ISG20: variants seen among roughly 807,000 people sequenced by gnomAD.
The protein encoded by ISG20 is interferon stimulated exonuclease gene 20.
Under a neutral mutation model 11.1 loss-of-function variants are expected in ISG20, and 8 were observed. The ratio of observed to expected loss-of-function variants is 0.72; its 90% CI spans 0.42 to 1.30. The LOEUF (loss-of-function observed/expected upper bound fraction) is 1.30. Among genes scored for constraint, ISG20 ranks in the 50% most tolerant of loss-of-function variants. The probability of loss-of-function intolerance (pLI) is 0.01; values close to 1 mark genes in which losing one functional copy is unlikely to be tolerated. For synonymous variants in ISG20, 110 were observed against 101.7 expected, an observed-to-expected ratio of 1.08 and a Z score of -0.49; for missense variants, 243 against 250.2, an observed-to-expected ratio of 0.97 and a Z score of 0.19.
At chr15:88,655,251 C>T (rs1012704478) in intron 3 of ISG20, among the ~76,000 whole-genome samples, 164 bp from the exon 4 acceptor site, 2 of 152,280 alleles carry the variant, frequency 1.3e-5, no homozygotes, top group Non-Finnish European at 2.9e-5. Flanking sequence ...GCTCCAGCCA[C>T]CTGCTGAGTC....
intron 2 of ISG20, among the ~76,000 whole-genome samples, chr15:88,645,443 G>A (rs2058156069): frequency 2.6e-5 from 4 of 152,006 alleles, no homozygotes; most frequent in South Asian, 2.1e-4. Flanking sequence ...GTTTTCTGCC[G>A]GCTGTATCTT....
rs777629179 is a variant in ISG20 at position 88,639,594 on chromosome 15, G to C, written c.228G>C (p.Glu76Asp). 1 of 1,612,544 alleles carries C rather than the reference G, an allele frequency of 6.2e-7. No homozygotes were observed. The highest frequency in any genetic ancestry group is 8.5e-7 in the Non-Finnish European group (1 of 1,178,650). ...GATPFAVARL[E>D]ILQLLKGKLV... ...CACCATTTGCCGTGGCCAGGCTAGA[G>C]GTGAGTGAAGGCCCGGCCAGCAGGG... Residue 76 changes from glutamate (E) to aspartate (D), a missense_variant and splice_region_variant, in exon 2 of 4, where the codon GAG becomes GAC. Physicochemically the swap from Glu to Asp is conservative, Grantham distance 45. Coordinates refer to ENST00000306072, the MANE Select transcript of ISG20 (RefSeq NM_002201.6). This position sits in a 1 kb window ranked among gnomAD's most constrained non-coding sequence, Gnocchi z 4.2.
chr15:88,647,819 G>T (rs1030629231), intron 2 of ISG20: 1 of 152,246 alleles, frequency 6.6e-6, no homozygotes, highest in African/African-American at 2.4e-5. Flanking sequence ...CCGTGGTCGC[G>T]GGCACAGATG....
chr15:88,649,864 A>G (rs1024707245), intron 2 of ISG20: 4 of 300,474 alleles, frequency 1.3e-5, no homozygotes, highest in African/African-American at 6.5e-5. Flanking sequence ...AAGGCCTCCA[A>G]CCAGACCATG....
intron 2 of ISG20, chr15:88,651,804 C>T (rs2058278584): frequency 8.2e-7 from 1 of 1,214,872 alleles, no homozygotes; most frequent in Admixed American, 3.9e-5. Flanking sequence ...ACATAATATA[C>T]ATGACGTATG....
At chr15:88,635,730 AATAG>A (rs2057975474), upstream of ISG20, among the ~76,000 whole-genome samples, 1 of 152,014 alleles carries the variant, frequency 6.6e-6, no homozygotes, top group African/African-American at 2.4e-5. Context: ...ACCTTTTAAT[AATAG>A]ATGTGCATAT....
At position 88,639,454 on chromosome 15, in the gene ISG20, C is replaced by T. The variant is rs1370354712; in HGVS notation, c.88C>T (p.Leu30Phe). 6.2e-7 allele frequency: 1 copy of T among 1,614,134 alleles called. No individual in the cohort carries two copies. Among genetic ancestry groups the T allele is most frequent in the Non-Finnish European group, 8.5e-7 (1 of 1,179,998 alleles). ...GGAGAGTGGCCTGGCTCGTTGCAGC[C>T]TCGTGAACGTCCACGGTGCTGTGCT... ...HRESGLARCS[L>F]VNVHGAVLYD... Residue 30 changes from leucine (L) to phenylalanine (F), a missense_variant, in exon 2 of 4, where the codon CTC becomes TTC. Leu to Phe is a conservative substitution (Grantham distance 22). Transcript: ENST00000306072. This position sits in a 1 kb window ranked among gnomAD's most constrained non-coding sequence, Gnocchi z 4.2.
At chr15:88,655,313 C>T in intron 3 of ISG20, 102 bp from the exon 4 acceptor site, 3 of 1,056,652 alleles carry the variant, frequency 2.8e-6, no homozygotes, top group Non-Finnish European at 4.4e-6. Context: ...CACTGACCCA[C>T]CTGGGGACTC....
upstream of ISG20, chr15:88,638,854 G>A: frequency 5.9e-6 from 1 of 168,604 alleles, no homozygotes; most frequent in Admixed American, 5.6e-5. Context: ...TCGGCCCGGA[G>A]CTGAGCTCCC....
intron 2 of ISG20, among the ~76,000 whole-genome samples, chr15:88,644,555 CA>C (rs993366197): frequency 5.0e-5 from 6 of 119,092 alleles, no homozygotes; most frequent in African/African-American, 5.6e-5. Flanking sequence ...AAAGAAAAGA[CA>C]AAAAAAAAAA....
chr15:88,655,573 C>A lies in ISG20; in HGVS notation c.*42C>A, dbSNP rs767496563. On this transcript the variant is annotated 3_prime_UTR_variant, in exon 4 of 4. Transcript: ENST00000306072. The stretch of plus-strand genomic sequence containing the variant: ...TTCCGCAGGGACTAGAGGCTTTCGG[C>A]TTTTTGGGACAGCAACTACCTTGCT... 9 of 1,433,798 alleles carry A rather than the reference C, an allele frequency of 6.3e-6. No individual in the cohort carries two copies. Among genetic ancestry groups the A allele is most frequent in the Non-Finnish European group, 9.6e-7 (1 of 1,039,662 alleles). 88.8% of individuals were successfully genotyped at this position (1,433,798 alleles called of 1,614,324 possible). A position where few individuals can be genotyped will look rare whatever the true frequency, so the allele number is the denominator to read the frequency against.
upstream of ISG20, among the ~76,000 whole-genome samples, chr15:88,636,530 C>A (rs1311544267): frequency 3.9e-5 from 6 of 152,040 alleles, no homozygotes; most frequent in African/African-American, 7.3e-5. Context: ...TGGGAAAAGG[C>A]CAGAGAAGGG....
At position 88,643,730 on chromosome 15, in the gene ISG20, G is replaced by A. The variant is rs2058120802; in HGVS notation, c.228+4136G>A. On this transcript the variant is annotated intron_variant, in intron 2 of 3. Coordinates refer to ENST00000306072, the MANE Select transcript of ISG20 (RefSeq NM_002201.6). The surrounding 1 kb of genome is among the most constrained non-coding windows in gnomAD (Gnocchi z 4.4). ...AAAAAAAGAAAAAATTACATCTGTG[G>A]CTTGCATTATATTTCTATTGGACAA... 6.6e-6 allele frequency among the ~76,000 whole-genome samples: 1 copy of A among 152,082 alleles called. No individual in the cohort carries two copies. The highest frequency in any genetic ancestry group is 1.5e-5 in the Non-Finnish European group (1 of 68,004).
In ISG20 at chr15:88,656,257, A is replaced by G. The variant is rs2058373393; in HGVS notation, c.*726A>G. 6.6e-6 allele frequency: 1 copy of G among 152,074 alleles called. No individual in the cohort carries two copies. The highest frequency in any genetic ancestry group is 2.4e-5 in the African/African-American group (1 of 41,386). 9.4% of individuals were successfully genotyped at this position (152,074 alleles called of 1,614,324 possible). A position where few individuals can be genotyped will look rare whatever the true frequency, so the allele number is the denominator to read the frequency against. On this transcript the variant is annotated 3_prime_UTR_variant, in exon 4 of 4. Transcript: ENST00000306072. Reference sequence around the variant, plus strand: ...TAGCTTAAGCACCCACCAGGTGTCGATAAGTAATTGTTCTTCCCTGGACTG... The same window carrying G: ...TAGCTTAAGCACCCACCAGGTGTCGGTAAGTAATTGTTCTTCCCTGGACTG...
At chr15:88,647,645 A>G (rs2141398499) in intron 2 of ISG20, 1 of 152,340 alleles carries the variant, frequency 6.6e-6, no homozygotes, top group Non-Finnish European at 1.5e-5. Flanking sequence ...CTATGATACA[A>G]ATCACTGCTC....
At position 88,641,282 on chromosome 15, in the gene ISG20, G is replaced by A. The variant is rs747616625; in HGVS notation, c.228+1688G>A. 5.3e-5 allele frequency among the ~76,000 whole-genome samples: 8 copies of A among 152,270 alleles called. No individual in the cohort carries two copies. In the East Asian group the frequency reaches 7.7e-4, roughly 15 times the overall value. On this transcript the variant is annotated intron_variant, in intron 2 of 3. Coordinates refer to ENST00000306072, the MANE Select transcript of ISG20 (RefSeq NM_002201.6). Reference sequence around the variant, plus strand: ...CCCAAAGTCCCAGGCATGAGCCACCGCATCTGGCCATGGTTGTTTACCTTA... The same window carrying A: ...CCCAAAGTCCCAGGCATGAGCCACCACATCTGGCCATGGTTGTTTACCTTA...
Position 88,639,876 on chromosome 15 carries a change from A to G in ISG20, c.228+282A>G, listed in dbSNP as rs2058051750. On this transcript the variant is annotated intron_variant, in intron 2 of 3. Coordinates refer to ENST00000306072, the MANE Select transcript of ISG20 (RefSeq NM_002201.6). This position sits in a 1 kb window ranked among gnomAD's most constrained non-coding sequence, Gnocchi z 4.2. Reference sequence around the variant, plus strand: ...GGAAACTGAGTTCCCCCACACAGTGACTTGGGGTCTACATTCCCCATTCTT... The same window carrying G: ...GGAAACTGAGTTCCCCCACACAGTGGCTTGGGGTCTACATTCCCCATTCTT... Among the ~76,000 whole-genome samples, 1 of 152,220 alleles carries G rather than the reference A, an allele frequency of 6.6e-6. No homozygotes were observed. Among genetic ancestry groups the G allele is most frequent in the Admixed American group, 6.5e-5 (1 of 15,288 alleles).
Position 88,639,330 on chromosome 15 carries a change from C to T in ISG20, c.-24-13C>T. On this transcript the variant is annotated splice_polypyrimidine_tract_variant and intron_variant, in intron 1 of 3. Transcript: ENST00000306072. This position sits in a 1 kb window ranked among gnomAD's most constrained non-coding sequence, Gnocchi z 4.2. ...CCCAAGCGTGAGACCGCCCCCCATA[C>T]CCCTCTCTCCAGCATCTCTGAGGGT... 2 of 1,525,276 alleles carry T rather than the reference C, an allele frequency of 1.3e-6. No homozygotes were observed. The highest frequency in any genetic ancestry group is 9.0e-7 in the Non-Finnish European group (1 of 1,115,966). 94.5% of individuals were successfully genotyped at this position (1,525,276 alleles called of 1,614,324 possible). A position where few individuals can be genotyped will look rare whatever the true frequency, so the allele number is the denominator to read the frequency against.
chr15:88,651,878 A>C (rs1255791818), intron 2 of ISG20: 1 of 1,388,086 alleles, frequency 7.2e-7, no homozygotes. Flanking sequence ...TACACAGTTC[A>C]GCTCCTGAAG....
Sources: gnomAD v4.1 joint callset for allele counts (sites outside exome capture counted in the v4.1 genomes callset) on GRCh38, gnomAD v4.1.1 for gene constraint, Gnocchi (gnomAD v3.1) non-coding constraint, MANE v1.5 for transcripts, NCBI Gene and HGNC (gene_info 2026-07-23, HGNC 2026-07-21) for gene names.